USP12: variants seen among roughly 807,000 people sequenced by gnomAD.
The protein encoded by USP12 is ubiquitin specific peptidase 12, also known as ubiquitin carboxyl-terminal hydrolase 12.
Under a neutral mutation model 45.5 loss-of-function variants are expected in USP12, and 19 were observed. That is an observed-to-expected ratio of 0.42 (90% CI 0.29 to 0.61). The LOEUF (loss-of-function observed/expected upper bound fraction) is 0.61. USP12 is among the 20% of genes least tolerant of loss of function. The pLI is 0.22. For synonymous variants in USP12, 149 were observed against 148.8 expected (o/e 1.00, Z -0.01); for missense variants, 242 against 447.7 (o/e 0.54, Z 4.15).
chr13:27,160,457 G>T (rs1272987582), intron 1 of USP12, among the ~76,000 whole-genome samples: 1 of 149,170 alleles, frequency 6.7e-6, no homozygotes, highest in African/African-American at 2.5e-5. Context: ...AAAAACAAAT[G>T]AAACTAACCA....
chr13:27,130,687 G>A (rs540469522), intron 1 of USP12, among the ~76,000 whole-genome samples: 4 of 152,286 alleles, frequency 2.6e-5, no homozygotes, highest in Non-Finnish European at 4.4e-5. Context: ...TCGTATCAAC[G>A]GTATCACACT....
At chr13:27,106,053 G>C in intron 2 of USP12, 109 bp from the exon 3 acceptor site, 1 of 895,140 alleles carries the variant, frequency 1.1e-6, no homozygotes, top group South Asian at 1.8e-5. Context: ...GGTTACTACT[G>C]TTACTATAAC....
chr13:27,106,334 T>C (rs944604119), intron 2 of USP12, among the ~76,000 whole-genome samples: 1 of 150,904 alleles, frequency 6.6e-6, no homozygotes, highest in Non-Finnish European at 1.5e-5. Flanking sequence ...ACCAGCCATG[T>C]CATTGGGGTA....
chr13:27,112,517 G>A (rs1875505005), intron 2 of USP12, among the ~76,000 whole-genome samples: 1 of 151,750 alleles, frequency 6.6e-6, no homozygotes, highest in Non-Finnish European at 1.5e-5. Context: ...AGATTTCTGG[G>A]CTCAAAGCAA....
At chr13:27,103,745 CAAA>C (rs1225480806) in intron 3 of USP12, among the ~76,000 whole-genome samples, 2 of 58,070 alleles carry the variant, frequency 3.4e-5, no homozygotes, top group African/African-American at 6.6e-5. Flanking sequence ...CCATCTCTAC[CAAA>C]AAAAAAAAAA....
chr13:27,140,136 G>GT, intron 1 of USP12, among the ~76,000 whole-genome samples: 1 of 150,430 alleles, frequency 6.6e-6, no homozygotes, highest in Middle Eastern at 3.4e-3. Context: ...CCCCAAAATA[G>GT]TTTTTTTTCC....
intron 7 of USP12, among the ~76,000 whole-genome samples, chr13:27,072,785 G>C (rs536426288): frequency 2.4e-4 from 37 of 152,260 alleles, no homozygotes; most frequent in African/African-American, 8.7e-4. Context: ...ACATTTGCTA[G>C]AAGTCTCTTC....
chr13:27,105,231 G>A (rs1040669876), intron 3 of USP12, among the ~76,000 whole-genome samples: 7 of 152,142 alleles, frequency 4.6e-5, no homozygotes, highest in Non-Finnish European at 7.4e-5. Context: ...TCTACCCTAA[G>A]CCAAAAGGTC....
chr13:27,087,269 G>A (rs1474670084), intron 6 of USP12, among the ~76,000 whole-genome samples: 1 of 151,044 alleles, frequency 6.6e-6, no homozygotes, highest in Non-Finnish European at 1.5e-5. Flanking sequence ...GTGTGTGTGT[G>A]TGTGTGTGTG....
intron 4 of USP12, among the ~76,000 whole-genome samples, chr13:27,093,138 G>A (rs1461298997): frequency 1.3e-5 from 2 of 151,728 alleles, no homozygotes; most frequent in Non-Finnish European, 2.9e-5. Flanking sequence ...AGAGGTTGCG[G>A]TGAGCCACTG....
chr13:27,126,781 T>C (rs1454923477), intron 1 of USP12, among the ~76,000 whole-genome samples: 1 of 152,154 alleles, frequency 6.6e-6, no homozygotes, highest in Non-Finnish European at 1.5e-5. Flanking sequence ...AGAACAAATA[T>C]TTGTTCTAAA....
intron 2 of USP12, among the ~76,000 whole-genome samples, chr13:27,113,813 G>C (rs1875582732): frequency 6.6e-6 from 1 of 152,078 alleles, no homozygotes; most frequent in African/African-American, 2.4e-5. Context: ...GTAACCTATG[G>C]CCATCAGATG....
chr13:27,103,609 AT>A (rs57634843), intron 3 of USP12, among the ~76,000 whole-genome samples: 43 of 94,184 alleles, frequency 4.6e-4, no homozygotes, highest in African/African-American at 1.3e-3. Context: ...AAAAAAAAAA[AT>A]AATAATAATA....
At chr13:27,130,679 G>A (rs577841935) in intron 1 of USP12, among the ~76,000 whole-genome samples, 17 of 152,146 alleles carry the variant, frequency 1.1e-4, no homozygotes, top group Admixed American at 6.6e-4. Flanking sequence ...TAAATCAATC[G>A]TATCAACGGT....
At chr13:27,148,519 C>T (rs1345983049) in intron 1 of USP12, among the ~76,000 whole-genome samples, 1 of 151,302 alleles carries the variant, frequency 6.6e-6, no homozygotes, top group Non-Finnish European at 1.5e-5. Context: ...ACTAAAGATA[C>T]AAAAACTAGC....
At chr13:27,116,476 T>C in intron 2 of USP12, 40 bp downstream of exon 2, 2 of 1,590,622 alleles carry the variant, frequency 1.3e-6, no homozygotes, top group Non-Finnish European at 8.6e-7. Flanking sequence ...TTAAAACTGC[T>C]TCCGAACATG....
At chr13:27,116,401 A>T (rs1593192958) in intron 2 of USP12, 115 bp downstream of exon 2, 1 of 862,098 alleles carries the variant, frequency 1.2e-6, no homozygotes, top group East Asian at 3.2e-5. Flanking sequence ...GTCTCTTAGC[A>T]TTTAATTCTA....
chr13:27,149,515 C>T (rs1245392407), intron 1 of USP12, among the ~76,000 whole-genome samples: 1 of 152,100 alleles, frequency 6.6e-6, no homozygotes, highest in African/African-American at 2.4e-5. Flanking sequence ...CTAGAATAAA[C>T]GAGTTCAGCA....
chr13:27,162,228 T>A (rs574652884), intron 1 of USP12, among the ~76,000 whole-genome samples: 24 of 152,322 alleles, frequency 1.6e-4, no homozygotes, highest in African/African-American at 5.5e-4. Context: ...TTCCATTTCA[T>A]AACTGAAACC....
Sources: allele counts gnomAD v4.1 joint callset (sites outside exome capture counted in the v4.1 genomes callset), GRCh38; gene constraint gnomAD v4.1.1; transcripts MANE v1.5; gene names NCBI Gene and HGNC (gene_info 2026-07-23, HGNC 2026-07-21).